WDR17: variants seen among roughly 807,000 people sequenced by gnomAD.
WDR17 encodes WD repeat domain 17.
WDR17 carries 143 observed loss-of-function variants against 161.7 expected under a neutral mutation model. The observed-to-expected ratio is 0.88, with a 90% CI of 0.77 to 1.02. WDR17 has a LOEUF of 1.02. Among genes scored for constraint, WDR17 ranks in the 50% least tolerant of loss-of-function variants. The pLI, the probability that WDR17 is intolerant of heterozygous loss-of-function variation, is 0.00. For missense variants in WDR17, 1,469 were observed against 1,520.9 expected (o/e 0.97, Z 0.57); for synonymous variants, 517 against 515.6 (o/e 1.00, Z -0.04).
intron 2 of WDR17, among the ~76,000 whole-genome samples, chr4:176,115,438 A>C (rs1740448899): frequency 6.6e-6 from 1 of 152,002 alleles, no homozygotes; most frequent in South Asian, 2.1e-4. Flanking sequence ...ATAAGTGAAA[A>C]ATTGCAGAAA....
chr4:176,074,462 C>G lies in WDR17; in HGVS notation c.-7+8383C>G, dbSNP rs528516526. Among the ~76,000 whole-genome samples, 3 of 151,330 alleles carry G rather than the reference C, an allele frequency of 2.0e-5. No individual in the cohort carries two copies. In the East Asian group the frequency reaches 5.8e-4, roughly 29 times the overall value. On this transcript the variant is annotated intron_variant, in intron 1 of 28. Transcript: ENST00000508596. Reference sequence around the variant, plus strand: ...TTTACTTATCTGTTTTGCTAATTTCCTTTTTTTAAAAAAGGACAGAGTCTC... The same window carrying G: ...TTTACTTATCTGTTTTGCTAATTTCGTTTTTTTAAAAAAGGACAGAGTCTC...
Position 176,176,653 on chromosome 4 carries a change from A to G in WDR17, c.3450-405A>G, listed in dbSNP as rs115167731. 7.4e-3 allele frequency among the ~76,000 whole-genome samples: 1,125 copies of G among 152,304 alleles called. 11 individuals carry two copies. Among genetic ancestry groups the G allele is most frequent in the Non-Finnish European group, 0.011 (727 of 68,024 alleles). On this transcript the variant is annotated intron_variant, in intron 26 of 28. Coordinates refer to ENST00000508596, the MANE Select transcript of WDR17 (RefSeq NM_181265.4). Reference sequence around the variant, plus strand: ...AGTCAGTATGCTCAGAATTCAAATCATCTTTCTTCTCAAATCTCCTTCTCC... The same window carrying G: ...AGTCAGTATGCTCAGAATTCAAATCGTCTTTCTTCTCAAATCTCCTTCTCC...
intron 22 of WDR17, among the ~76,000 whole-genome samples, chr4:176,164,401 A>G: frequency 6.6e-6 from 1 of 152,234 alleles, no homozygotes; most frequent in East Asian, 1.9e-4. Context: ...AAAATTCCAC[A>G]TGAAAGTACT....
intron 1 of WDR17, among the ~76,000 whole-genome samples, chr4:176,101,346 T>G (rs1249241149): frequency 1.3e-5 from 2 of 152,092 alleles, no homozygotes; most frequent in Non-Finnish European, 1.5e-5. Flanking sequence ...ACCACTACAT[T>G]ACTAAAGGCC....
At chr4:176,110,496 T>C (rs1007526781) in intron 1 of WDR17, among the ~76,000 whole-genome samples, 2 of 152,204 alleles carry the variant, frequency 1.3e-5, no homozygotes, top group East Asian at 1.9e-4. Context: ...GATTCTACCT[T>C]TAAAAGGCAT....
At chr4:176,108,271 A>G (rs762298566) in intron 1 of WDR17, among the ~76,000 whole-genome samples, 10 of 152,236 alleles carry the variant, frequency 6.6e-5, no homozygotes, top group Non-Finnish European at 1.5e-4. Context: ...AGCCATGAAA[A>G]GACATGAAGC....
At chr4:176,111,817 A>G in intron 2 of WDR17, 114 bp downstream of exon 2, 2 of 1,034,482 alleles carry the variant, frequency 1.9e-6, no homozygotes, top group Admixed American at 4.0e-5. Flanking sequence ...TTCCATTTAT[A>G]TTTATATTTT....
chr4:176,076,785 G>A (rs1321579700), intron 1 of WDR17, among the ~76,000 whole-genome samples: 1 of 151,812 alleles, frequency 6.6e-6, no homozygotes. Context: ...CTGAATGAGA[G>A]GCGGCCCATA....
At chr4:176,117,641 G>A (rs1413516125) in intron 3 of WDR17, among the ~76,000 whole-genome samples, 1 of 151,994 alleles carries the variant, frequency 6.6e-6, no homozygotes, top group Non-Finnish European at 1.5e-5. Context: ...ATGCACCATA[G>A]TTTCTTTTGT....
intron 1 of WDR17, among the ~76,000 whole-genome samples, chr4:176,109,990 AT>A (rs1426747645): frequency 3.2e-4 from 49 of 152,304 alleles, no homozygotes; most frequent in African/African-American, 1.1e-3. Context: ...AATATTTAAG[AT>A]TATAATCACT....
At chr4:176,074,180 C>A (rs961694060) in intron 1 of WDR17, among the ~76,000 whole-genome samples, 1 of 151,354 alleles carries the variant, frequency 6.6e-6, no homozygotes, top group Admixed American at 6.6e-5. Flanking sequence ...CTTGCCCATG[C>A]CTATGTCCTG....
At chr4:176,175,515 G>C (rs912461818) in intron 26 of WDR17, among the ~76,000 whole-genome samples, 5 of 150,596 alleles carry the variant, frequency 3.3e-5, no homozygotes, top group African/African-American at 1.2e-4. Context: ...AAATGCAGAG[G>C]GTCCGTGGTT....
Position 176,168,693 on chromosome 4 carries a change from T to G in WDR17, c.3012T>G (p.Leu1004=), listed in dbSNP as rs74461750. 3.0e-3 allele frequency: 4,793 copies of G among 1,613,584 alleles called. 125 individuals are homozygous for G. In the African/African-American group the frequency reaches 0.055, roughly 19 times the overall value. ...ACAGGAATTTGGCAGCTGATCTTCT[T>G]CTGATGATTCCTGATAATGAACTAC... ...ISVWNLAADL[L]LMIPDNELHL... The change falls in exon 23 of 29, where the codon CTT becomes CTG. Residue 1004 remains leucine, a synonymous_variant. Transcript: ENST00000508596.
chr4:176,154,317 C>T (rs1008609332), intron 17 of WDR17, among the ~76,000 whole-genome samples: 2 of 151,978 alleles, frequency 1.3e-5, no homozygotes, highest in African/African-American at 4.8e-5. Context: ...CCTGTCTCTA[C>T]CAAAAATACA....
In WDR17 at chr4:176,160,934, G is replaced by A. The variant is rs1402872579; in HGVS notation, c.2682G>A (p.Gln894=). The A allele has an allele frequency of 2.5e-6, 4 of 1,606,946 alleles. No individual in the cohort carries two copies. The highest frequency in any genetic ancestry group is 2.7e-5 in the African/African-American group (2 of 74,786). Residue 894 remains glutamine, a synonymous_variant, in exon 20 of 29, where the codon CAG becomes CAA. Coordinates refer to ENST00000508596, the MANE Select transcript of WDR17 (RefSeq NM_181265.4). ...VAQAACEGNM[Q]PLHVSVPKGA... is the part of the protein sequence containing the mutation. The stretch of plus-strand genomic sequence containing the variant: ...AGGCTGCTTGTGAAGGAAATATGCA[G>A]CCCTTACATGTTTCCGTGCCTAAAG...
At chr4:176,069,798 G>A (rs1208681967) in intron 1 of WDR17, among the ~76,000 whole-genome samples, 2 of 152,026 alleles carry the variant, frequency 1.3e-5, no homozygotes, top group Non-Finnish European at 2.9e-5. Flanking sequence ...AAGCACTCGT[G>A]TTTAACATGC....
In WDR17 at chr4:176,142,118, T is replaced by G. The variant is rs770792529; in HGVS notation, c.1529+49T>G. The G allele has an allele frequency of 7.5e-6, 11 of 1,472,902 alleles. No individual in the cohort carries two copies. The South Asian group carries it at 1.3e-4, about 17-fold the overall frequency. The allele number at this position is 1,472,902 out of a possible 1,614,324, so 91.2% of individuals were successfully genotyped here. ...TAAATAATAACTACATTTTGGAAAT[T>G]TTAAATAACCATAAAGTTTAGTGCT... On this transcript the variant is annotated intron_variant, in intron 11 of 28. Transcript: ENST00000508596.
chr4:176,080,374 C>A (rs1028348443), intron 1 of WDR17, among the ~76,000 whole-genome samples: 10 of 149,014 alleles, frequency 6.7e-5, no homozygotes, highest in African/African-American at 2.5e-4. Flanking sequence ...GAGAAGAAAT[C>A]CAAGGACTGA....
At chr4:176,165,584 AT>A (rs1254655740) in intron 22 of WDR17, among the ~76,000 whole-genome samples, 8 of 152,172 alleles carry the variant, frequency 5.3e-5, no homozygotes, top group Non-Finnish European at 1.0e-4. Flanking sequence ...TCCTTTATGT[AT>A]TATATACTGT....
Sources: allele counts gnomAD v4.1 joint callset (sites outside exome capture counted in the v4.1 genomes callset), GRCh38; gene constraint gnomAD v4.1.1; transcripts MANE v1.5; gene names NCBI Gene and HGNC (gene_info 2026-07-23, HGNC 2026-07-21).